The following AGBL4 variants were observed in gnomAD, a reference collection of about 807,000 sequenced individuals.
The protein encoded by AGBL4 is AGBL carboxypeptidase 4.
A neutral mutation model predicts 66.4 loss-of-function variants in AGBL4; 58 were observed. The observed-to-expected ratio is 0.87, with a 90% CI of 0.71 to 1.09. The LOEUF (loss-of-function observed/expected upper bound fraction) is 1.09, where lower values mean the gene tolerates loss of function less well. AGBL4 is among the 50% of genes least tolerant of loss of function. The pLI is 0.00. For synonymous variants in AGBL4, 234 were observed against 222.9 expected, an observed-to-expected ratio of 1.05 and a Z score of -0.44; for missense variants, 579 against 631.0, an observed-to-expected ratio of 0.92 and a Z score of 0.88.
intron 2 of AGBL4, among the ~76,000 whole-genome samples, chr1:49,775,877 T>C (rs1314396078): frequency 6.6e-6 from 1 of 152,088 alleles, no homozygotes; most frequent in East Asian, 1.9e-4. Context: ...AGTGGTAAAA[T>C]TGTGAGCTTT....
At chr1:49,294,968 C>G (rs942196323) in intron 3 of AGBL4, among the ~76,000 whole-genome samples, 1 of 151,988 alleles carries the variant, frequency 6.6e-6, no homozygotes, top group Non-Finnish European at 1.5e-5. Flanking sequence ...TTCTTTGTAC[C>G]CTGGCATTCA....
At chr1:49,714,321 G>C (rs1316805508) in intron 2 of AGBL4, among the ~76,000 whole-genome samples, 1 of 151,814 alleles carries the variant, frequency 6.6e-6, no homozygotes, top group East Asian at 1.9e-4. Context: ...AGATTGTACT[G>C]ATTAAGTAAT....
At chr1:49,057,071 C>T (rs1043150886) in intron 4 of AGBL4, among the ~76,000 whole-genome samples, 17 of 152,086 alleles carry the variant, frequency 1.1e-4, no homozygotes, top group African/African-American at 4.1e-4. Flanking sequence ...TTTTCCTACT[C>T]TTCCCCTCTC....
intron 1 of AGBL4, chr1:49,995,999 C>T (rs1164438091): frequency 6.6e-6 from 1 of 152,200 alleles, no homozygotes. Context: ...AAGCCCTATC[C>T]CTAGGGGAAG....
At chr1:49,659,412 G>C (rs1325131161) in intron 3 of AGBL4, among the ~76,000 whole-genome samples, 2 of 152,110 alleles carry the variant, frequency 1.3e-5, no homozygotes, top group Non-Finnish European at 2.9e-5. Context: ...GTATGCAAGA[G>C]ACCCATTTCA....
chr1:49,252,587 T>C (rs1219569173), intron 3 of AGBL4, among the ~76,000 whole-genome samples: 2 of 152,122 alleles, frequency 1.3e-5, no homozygotes, highest in Non-Finnish European at 2.9e-5. Flanking sequence ...CACAAGAAGA[T>C]CATCCCAAGA....
At chr1:49,719,180 T>C (rs914789553) in intron 2 of AGBL4, among the ~76,000 whole-genome samples, 1 of 152,016 alleles carries the variant, frequency 6.6e-6, no homozygotes, top group African/African-American at 2.4e-5. Flanking sequence ...CCCCTGGAAA[T>C]AAAGGAGAAA....
intron 3 of AGBL4, among the ~76,000 whole-genome samples, chr1:49,380,308 T>C (rs747920483): frequency 6.7e-6 from 1 of 149,344 alleles, no homozygotes; most frequent in African/African-American, 2.4e-5. Flanking sequence ...CGTGAAGACA[T>C]GGAGAACTAC....
In AGBL4 at chr1:48,742,711, C is replaced by T. The variant is rs902044046; in HGVS notation, c.635-79470G>A. ...ATTTGCTTCCTCACTGAAAGTGCTC[C>T]GTAACTCCGGCTCGGGCTCGAGACA... On this transcript the variant is annotated intron_variant, in intron 6 of 13. Coordinates refer to ENST00000371839, the MANE Select transcript of AGBL4 (RefSeq NM_032785.4). The T allele has an allele frequency of 9.3e-6, 15 of 1,610,888 alleles. No homozygotes were observed. The highest frequency in any genetic ancestry group is 7.8e-5 in the South Asian group (7 of 90,282).
intron 3 of AGBL4, among the ~76,000 whole-genome samples, chr1:49,547,522 T>C (rs1652589468): frequency 6.6e-6 from 1 of 152,174 alleles, no homozygotes; most frequent in Admixed American, 6.5e-5. Context: ...TTAGAATTGC[T>C]TTTTCTAATT....
chr1:49,530,279 A>AAAAAAAC lies in AGBL4; in HGVS notation c.282+167033_282+167034insGTTTTTT, dbSNP rs1305492702. ...ATTTGTAAAAAAAAAAAAACAAAAA[A>AAAAAAAC]AAACTCTATGAGTTTTTTTTTATTA... On this transcript the variant is annotated intron_variant, in intron 3 of 13. Coordinates refer to ENST00000371839, the MANE Select transcript of AGBL4 (RefSeq NM_032785.4). Among the ~76,000 whole-genome samples the AAAAAAAC allele has an allele frequency of 4.1e-5, 6 of 147,228 alleles. 1 individual carries two copies. The highest frequency in any genetic ancestry group is 7.4e-5 in the African/African-American group (3 of 40,592).
Position 48,916,401 on chromosome 1 carries a change from AG to A in AGBL4, c.595-49172del, listed in dbSNP as rs551218452. On this transcript the variant is annotated intron_variant, in intron 5 of 13. Transcript: ENST00000371839. Reference sequence around the variant, plus strand: ...GTTATGCTGCAGGCACAGGGAGGAGAGGGAGGCGGGGCAACTGGGGTACTCA... The same window carrying A: ...GTTATGCTGCAGGCACAGGGAGGAGAGGAGGCGGGGCAACTGGGGTACTCA... Among the ~76,000 whole-genome samples, 14 of 152,246 alleles carry A rather than the reference AG, an allele frequency of 9.2e-5. No homozygotes were observed. In the South Asian group the frequency reaches 2.9e-3, roughly 32 times the overall value.
rs372188881 is a variant in AGBL4, at chr1:49,737,695, G to T, written c.158-40258C>A. ...GCATATAAAATAAAAGTTGATATTTGTAACAAAATCCTAGTAATTCCTTAT... is the reference window on the plus strand; with the variant it reads ...GCATATAAAATAAAAGTTGATATTTTTAACAAAATCCTAGTAATTCCTTAT... On this transcript the variant is annotated intron_variant, in intron 2 of 13. Transcript: ENST00000371839. Among the ~76,000 whole-genome samples the T allele has an allele frequency of 1.6e-3, 240 of 152,258 alleles. 1 individual carries two copies. The highest frequency in any genetic ancestry group is 4.9e-3 in the African/African-American group (205 of 41,552).
intron 5 of AGBL4, among the ~76,000 whole-genome samples, chr1:48,908,924 T>C (rs1446939303): frequency 3.4e-5 from 1 of 29,388 alleles, no homozygotes; most frequent in African/African-American, 6.3e-5. Context: ...AAATCAACCT[T>C]GCCTTTTTTT....
chr1:49,958,515 TA>T (rs1656827612), intron 1 of AGBL4, among the ~76,000 whole-genome samples: 1 of 151,770 alleles, frequency 6.6e-6, no homozygotes, highest in Admixed American at 6.6e-5. Context: ...TATTCAGCCA[TA>T]AAAAAGGATA....
intron 3 of AGBL4, among the ~76,000 whole-genome samples, chr1:49,358,895 T>C (rs1644076054): frequency 2.0e-5 from 3 of 152,250 alleles, no homozygotes; most frequent in Admixed American, 2.0e-4. Context: ...TTTCAAAGCC[T>C]ACTACAGTTT....
chr1:48,844,370 A>C (rs943608929), intron 6 of AGBL4, among the ~76,000 whole-genome samples: 1 of 152,144 alleles, frequency 6.6e-6, no homozygotes, highest in Non-Finnish European at 1.5e-5. Flanking sequence ...CTCCTCTGCA[A>C]TCTGGTATCC....
chr1:48,887,011 C>A (rs1650427820), intron 5 of AGBL4, among the ~76,000 whole-genome samples: 1 of 152,124 alleles, frequency 6.6e-6, no homozygotes, highest in African/African-American at 2.4e-5. Flanking sequence ...GCAGTGAAGT[C>A]TAACTGGGGG....
At position 48,764,147 on chromosome 1, in the gene AGBL4, G is replaced by A. The variant is rs543417401; in HGVS notation, c.635-100906C>T. ...AATGCTGAATTTGAATAAGGGAGAAGTAACTGCTAAAGGATTTTAGGAGCA... is the reference window on the plus strand; with the variant it reads ...AATGCTGAATTTGAATAAGGGAGAAATAACTGCTAAAGGATTTTAGGAGCA... On this transcript the variant is annotated intron_variant, in intron 6 of 13. Coordinates refer to ENST00000371839, the MANE Select transcript of AGBL4 (RefSeq NM_032785.4). Among the ~76,000 whole-genome samples the A allele has an allele frequency of 3.3e-5, 5 of 152,326 alleles. No homozygotes were observed. In the East Asian group the frequency reaches 9.6e-4, roughly 29 times the overall value.
Sources: gnomAD v4.1 joint callset for allele counts (sites outside exome capture counted in the v4.1 genomes callset) on GRCh38, gnomAD v4.1.1 for gene constraint, MANE v1.5 for transcripts, NCBI Gene and HGNC (gene_info 2026-07-23, HGNC 2026-07-21) for gene names.